BBS2: variants seen among roughly 807,000 people sequenced by gnomAD.
BBS2 encodes BBSome complex member BBS2.
Under a neutral mutation model 83.0 loss-of-function variants are expected in BBS2, and 62 were observed. That is an observed-to-expected ratio of 0.75 (90% CI 0.61 to 0.92). The LOEUF (loss-of-function observed/expected upper bound fraction) is 0.92. Among genes scored for constraint, BBS2 ranks in the 40% least tolerant of loss-of-function variants. The pLI, the probability that BBS2 is intolerant of heterozygous loss-of-function variation, is 0.00. For missense variants in BBS2, 784 were observed against 901.0 expected (o/e 0.87, Z 1.66); for synonymous variants, 303 against 326.1 (o/e 0.93, Z 0.76).
At chr16:56,473,444 T>C (rs570406762) in intron 17 of BBS2, among the ~76,000 whole-genome samples, 19 of 152,324 alleles carry the variant, frequency 1.2e-4, no homozygotes, top group Non-Finnish European at 2.4e-4. Context: ...GACACATCCA[T>C]TGTGTCTTCA....
intron 1 of BBS2, 77 bp downstream of exon 1, chr16:56,519,669 C>A: frequency 8.2e-7 from 1 of 1,225,240 alleles, no homozygotes; most frequent in East Asian, 2.3e-5. Context: ...GGAGAGGGGA[C>A]GGGATCCCAG....
chr16:56,489,861 C>T (rs567538206), intron 15 of BBS2, among the ~76,000 whole-genome samples: 7 of 152,108 alleles, frequency 4.6e-5, no homozygotes, highest in South Asian at 4.2e-4. Flanking sequence ...CAGTGGCTCA[C>T]GCCTGAAATC....
chr16:56,512,644 G>A (rs1345661397), intron 2 of BBS2, among the ~76,000 whole-genome samples: 1 of 152,180 alleles, frequency 6.6e-6, no homozygotes, highest in African/African-American at 2.4e-5. Context: ...TCAACAACAG[G>A]AAAAGCTAAT....
chr16:56,510,629 G>A (rs78614436), intron 4 of BBS2, among the ~76,000 whole-genome samples: 2,423 of 152,252 alleles, frequency 0.016, 71 homozygotes, highest in African/African-American at 0.055. Flanking sequence ...GCCCTCTCCT[G>A]TGTCTCTGAA....
rs1444102830 is a variant in BBS2, at chr16:56,501,336, T to C, written c.1225+17A>G. ...GGCACAGGTGCCTCTAAATACCAGC[T>C]GTGAGTACTGTCTTACCATTAGAAG... is the stretch of plus-strand genomic sequence containing the variant. On this transcript the variant is annotated intron_variant, in intron 10 of 16. Transcript: ENST00000245157. 7 of 1,613,510 alleles carry C rather than the reference T, an allele frequency of 4.3e-6. No homozygotes were observed. The highest frequency in any genetic ancestry group is 1.3e-5 in the African/African-American group (1 of 74,778).
intron 14 of BBS2, 34 bp downstream of exon 14, chr16:56,497,709 C>A: frequency 6.2e-7 from 1 of 1,610,596 alleles, no homozygotes. Flanking sequence ...TAGACTACCA[C>A]ATTCTCACAA....
rs1964537373 is a variant in BBS2, at chr16:56,510,167, GATGCTCAGAA to G, written c.535-143_535-134del. The G allele has an allele frequency of 5.3e-6, 4 of 757,118 alleles. No homozygotes were observed. In the African/African-American group the frequency reaches 6.9e-5, roughly 13 times the overall value. The allele number at this position is 757,118 out of a possible 1,614,324, so 46.9% of individuals were successfully genotyped here. A position where few individuals can be genotyped will look rare whatever the true frequency, so the allele number is the denominator to read the frequency against. On this transcript the variant is annotated intron_variant, in intron 4 of 16. Transcript: ENST00000245157. ...AAGATTGACAACCTCATAATCGTTTGATGCTCAGAAATGCTCCCTCTAATGGGAGGATCAG... is the reference window on the plus strand; with the variant it reads ...AAGATTGACAACCTCATAATCGTTTGATGCTCCCTCTAATGGGAGGATCAG...
intron 15 of BBS2, among the ~76,000 whole-genome samples, chr16:56,490,792 C>A: frequency 6.6e-6 from 1 of 150,878 alleles, no homozygotes; most frequent in East Asian, 2.0e-4. Flanking sequence ...GATGGAGTCT[C>A]ACTCTGTCAC....
chr16:56,516,901 A>T (rs559663811), intron 1 of BBS2, among the ~76,000 whole-genome samples: 2 of 152,342 alleles, frequency 1.3e-5, no homozygotes, highest in African/African-American at 4.8e-5. Flanking sequence ...TCTCAAGATA[A>T]AAGATCAGGT....
intron 15 of BBS2, among the ~76,000 whole-genome samples, chr16:56,492,128 T>C (rs1349920853): frequency 2.0e-5 from 3 of 151,828 alleles, no homozygotes. Flanking sequence ...AAAATAGAAC[T>C]ACCATATATG....
intron 15 of BBS2, among the ~76,000 whole-genome samples, chr16:56,489,479 T>C (rs753374386): frequency 9.2e-5 from 14 of 151,962 alleles, no homozygotes; most frequent in Non-Finnish European, 1.3e-4. Flanking sequence ...TCTGAAATCA[T>C]TGTAAGCATG....
intron 15 of BBS2, among the ~76,000 whole-genome samples, chr16:56,488,846 T>A (rs1188425191): frequency 6.6e-6 from 1 of 152,174 alleles, no homozygotes; most frequent in East Asian, 1.9e-4. Context: ...ATCAATAGCA[T>A]ACAAAAAGAC....
At chr16:56,478,937 C>T (rs1963590605) in intron 17 of BBS2, 1 of 152,310 alleles carries the variant, frequency 6.6e-6, no homozygotes, top group South Asian at 2.1e-4. Flanking sequence ...GATAGATACA[C>T]AGTGATAGTG....
chr16:56,506,250 A>T, intron 5 of BBS2, 26 bp from the exon 6 acceptor site: 1 of 1,539,390 alleles, frequency 6.5e-7, no homozygotes, highest in African/African-American at 1.4e-5. Context: ...CAAAAACACA[A>T]CATCTTTTCA....
At chr16:56,519,723 T>A (rs1597033163) in intron 1 of BBS2, 23 bp downstream of exon 1, 3 of 1,587,028 alleles carry the variant, frequency 1.9e-6, no homozygotes, top group Non-Finnish European at 1.7e-6. Flanking sequence ...GGGCCCGGGC[T>A]CCCTGCGGGT....
At chr16:56,509,700 T>C (rs1597023268) in intron 5 of BBS2, 2 of 464,616 alleles carry the variant, frequency 4.3e-6, no homozygotes, top group Non-Finnish European at 3.9e-6. Context: ...ATTAACTCAT[T>C]AAAAGAAATG....
At position 56,502,402 on chromosome 16, in the gene BBS2, C is replaced by T. The variant is rs199655331; in HGVS notation, c.995G>A (p.Ser332Asn). Reference sequence around the variant, plus strand: ...CTCTCGGATCAGGTCCTGCTCTGCACTGGTGTCCATGAGGTTGCCCCTCAT... The same window carrying T: ...CTCTCGGATCAGGTCCTGCTCTGCATTGGTGTCCATGAGGTTGCCCCTCAT... The part of the protein sequence containing the change: ...AEMRGNLMDT[S>N]AEQDLIRELS... The change falls in exon 9 of 17, where the codon AGT (serine) becomes AAT (asparagine). Residue 332 changes from serine (S) to asparagine (N), a missense_variant. Physicochemically the swap from Ser to Asn is conservative, Grantham distance 46. Transcript: ENST00000245157. 1.6e-4 allele frequency: 258 copies of T among 1,614,122 alleles called. No homozygotes were observed. Among genetic ancestry groups the T allele is most frequent in the Non-Finnish European group, 9.6e-5 (113 of 1,180,048 alleles).
Position 56,501,489 on chromosome 16 carries a change from C to A in BBS2, c.1089G>T (p.Leu363Phe). Residue 363 changes from leucine to phenylalanine, a missense_variant, in exon 10 of 17, where the codon TTG becomes TTT. Coordinates refer to ENST00000245157, the MANE Select transcript of BBS2 (RefSeq NM_031885.5). ...RNYEENAKAE[L>F]ASPLNEADGH... ...CATCAGCCTCGTTCAGTGGACTGGCCAATTCAGCCTGCAAAACACCCCACC... is the reference window on the plus strand; with the variant it reads ...CATCAGCCTCGTTCAGTGGACTGGCAAATTCAGCCTGCAAAACACCCCACC... The A allele has an allele frequency of 1.2e-6, 2 of 1,614,110 alleles. No individual in the cohort carries two copies. Among genetic ancestry groups the A allele is most frequent in the South Asian group, 2.2e-5 (2 of 91,070 alleles).
At chr16:56,485,874 A>G (rs1172359082) in intron 15 of BBS2, 136 bp from the exon 16 acceptor site, 1 of 770,902 alleles carries the variant, frequency 1.3e-6, no homozygotes, top group Non-Finnish European at 2.2e-6. Flanking sequence ...AGTAACTGCT[A>G]GTTTGCTTTG....
Sources: allele counts gnomAD v4.1 joint callset (sites outside exome capture counted in the v4.1 genomes callset), GRCh38; gene constraint gnomAD v4.1.1; transcripts MANE v1.5; gene names NCBI Gene and HGNC (gene_info 2026-07-23, HGNC 2026-07-21).